The following BLTP1 variants were observed in gnomAD, a reference collection of about 807,000 sequenced individuals.
BLTP1 encodes fragile site-associated protein.
the BLTP1 span, among the ~76,000 whole-genome samples, chr4:122,326,381 T>C: frequency 2.6e-5 from 4 of 151,748 alleles, no homozygotes; most frequent in Non-Finnish European, 4.4e-5. Context: ...CAAAACAATG[T>C]GGAAGAATGA....
At chr4:122,211,071 A>G in the BLTP1 span, 3 of 1,612,436 alleles carry the variant, frequency 1.9e-6, no homozygotes, top group East Asian at 2.2e-5. Flanking sequence ...ATGGACCTCT[A>G]CTAAATGCCT....
chr4:122,245,184 A>T, the BLTP1 span: 1 of 1,512,174 alleles, frequency 6.6e-7, no homozygotes, highest in Non-Finnish European at 9.1e-7. Flanking sequence ...TTGAATATTT[A>T]TCATGGTTAC....
chr4:122,247,142 C>A, the BLTP1 span: 6 of 1,593,798 alleles, frequency 3.8e-6, no homozygotes. Flanking sequence ...ATTTTACTCT[C>A]TTTTTTTTCA....
At chr4:122,241,776 A>G in the BLTP1 span, among the ~76,000 whole-genome samples, 1 of 152,252 alleles carries the variant, frequency 6.6e-6, no homozygotes, top group Admixed American at 6.5e-5. Flanking sequence ...ATATGTTGGT[A>G]TATGAATTTT....
chr4:122,207,836 C>G, the BLTP1 span: 21 of 958,670 alleles, frequency 2.2e-5, no homozygotes, highest in Non-Finnish European at 2.1e-5. Flanking sequence ...AGAAATTGGT[C>G]AATTAAAAAT....
At chr4:122,184,666 T>C in the BLTP1 span, 1 of 984,372 alleles carries the variant, frequency 1.0e-6, no homozygotes, top group South Asian at 4.7e-5. Context: ...ACAAAAAACA[T>C]TCATAGCAGT....
chr4:122,231,191 G>T, the BLTP1 span, among the ~76,000 whole-genome samples: 5 of 152,084 alleles, frequency 3.3e-5, no homozygotes, highest in Admixed American at 6.5e-5. Context: ...GAGTATGAAT[G>T]AGTTGAAAAT....
the BLTP1 span, among the ~76,000 whole-genome samples, chr4:122,265,251 A>G: frequency 2.6e-5 from 4 of 152,232 alleles, no homozygotes; most frequent in Admixed American, 6.5e-5. Flanking sequence ...TTTGCATACA[A>G]CATACATACA....
the BLTP1 span, among the ~76,000 whole-genome samples, chr4:122,204,194 A>G: frequency 6.6e-6 from 1 of 152,016 alleles, no homozygotes; most frequent in African/African-American, 2.4e-5. Context: ...CATTATGTAT[A>G]TTGAGTGCAA....
the BLTP1 span, chr4:122,262,698 T>C: frequency 2.0e-6 from 3 of 1,504,154 alleles, no homozygotes; most frequent in Non-Finnish European, 2.7e-6. Context: ...ATAGTAATAG[T>C]GGTTGTAGTT....
the BLTP1 span, among the ~76,000 whole-genome samples, chr4:122,321,979 A>ATTTTTTTTTTTTTTTTTTTTTTTTTT: frequency 7.0e-4 from 19 of 27,020 alleles, no homozygotes; most frequent in Admixed American, 1.1e-3. Flanking sequence ...ACTACATGTA[A>ATTTTTTTTTTTTTTTTTTTTTTTTTT]TTTTTTTTTT....
the BLTP1 span, among the ~76,000 whole-genome samples, chr4:122,152,750 C>T: frequency 6.6e-6 from 1 of 151,914 alleles, no homozygotes; most frequent in Non-Finnish European, 1.5e-5. Flanking sequence ...GCCCTGGCAC[C>T]TATAAACCGA....
At chr4:122,177,684 A>G in the BLTP1 span, among the ~76,000 whole-genome samples, 7,589 of 152,288 alleles carry the variant, frequency 0.05, 270 homozygotes, top group Non-Finnish European at 0.074. Flanking sequence ...AAACTGCAGC[A>G]GAGCCACCAT....
the BLTP1 span, chr4:122,325,822 T>C: frequency 9.4e-7 from 1 of 1,060,296 alleles, no homozygotes; most frequent in East Asian, 6.3e-5. Context: ...ATGAGTTTTT[T>C]TTTTTTTTAC....
At chr4:122,259,451 A>C in the BLTP1 span, among the ~76,000 whole-genome samples, 1 of 152,200 alleles carries the variant, frequency 6.6e-6, no homozygotes, top group African/African-American at 2.4e-5. Context: ...TGCCTAGAGC[A>C]ATATCTGACC....
chr4:122,153,019 C>T, the BLTP1 span: 1 of 985,434 alleles, frequency 1.0e-6, no homozygotes, highest in South Asian at 4.7e-5. Flanking sequence ...GCTTTCTTCT[C>T]TGGGATTGAT....
the BLTP1 span, among the ~76,000 whole-genome samples, chr4:122,156,903 A>G: frequency 1.3e-5 from 2 of 152,264 alleles, no homozygotes; most frequent in Non-Finnish European, 2.9e-5. Flanking sequence ...GATGATGATG[A>G]TATATTACAG....
At chr4:122,324,627 T>A in the BLTP1 span, 1 of 1,007,150 alleles carries the variant, frequency 9.9e-7, no homozygotes, top group Non-Finnish European at 1.4e-6. Context: ...ATTATAAAAT[T>A]AAGATAACAA....
chr4:122,241,110 G>T, the BLTP1 span, among the ~76,000 whole-genome samples: 13 of 152,128 alleles, frequency 8.5e-5, no homozygotes, highest in African/African-American at 1.4e-4. Flanking sequence ...AATAACAAGG[G>T]GTGGGGACAC....
Sources: gnomAD v4.1 joint callset for allele counts (sites outside exome capture counted in the v4.1 genomes callset) on GRCh38, gnomAD v4.1.1 for gene constraint, MANE v1.5 for transcripts, NCBI Gene and HGNC (gene_info 2026-07-23, HGNC 2026-07-21) for gene names.